Variants in TMEM223 observed in about 807,000 individuals in gnomAD.
TMEM223 encodes the protein transmembrane protein 223.
In TMEM223, 14 loss-of-function variants were observed where a neutral mutation model predicts 14.1. The ratio of observed to expected loss-of-function variants is 0.99; its 90% CI spans 0.66 to 1.55. The LOEUF (loss-of-function observed/expected upper bound fraction) is 1.55, where lower values mean the gene tolerates loss of function less well. Among genes scored for constraint, TMEM223 ranks in the 40% most tolerant of loss-of-function variants. The probability of loss-of-function intolerance (pLI) is 0.00; values close to 1 mark genes in which losing one functional copy is unlikely to be tolerated. For missense variants in TMEM223, 346 were observed against 269.9 expected (o/e 1.28, Z -1.97); for synonymous variants, 145 against 120.5 (o/e 1.20, Z -1.33).
downstream of TMEM223, chr11:62,786,363 G>A: frequency 6.2e-7 from 1 of 1,614,154 alleles, no homozygotes; most frequent in East Asian, 2.2e-5. Context: ...AAAGCAGATG[G>A]ACACAAAGTC....
intron 2 of TMEM223, among the ~76,000 whole-genome samples, chr11:62,773,258 C>T (rs1215285344): frequency 6.6e-6 from 1 of 151,982 alleles, no homozygotes; most frequent in Non-Finnish European, 1.5e-5. Flanking sequence ...AGCAATTCTC[C>T]TGCCTCAGCC....
At chr11:62,791,584 T>C in intron 1 of TMEM223, 95 bp downstream of exon 1, 9 of 1,376,882 alleles carry the variant, frequency 6.5e-6, no homozygotes, top group Non-Finnish European at 8.6e-6. Flanking sequence ...CCCGCCACTC[T>C]CGGATAGGGA....
downstream of TMEM223, among the ~76,000 whole-genome samples, chr11:62,785,376 A>G (rs1281345922): frequency 6.7e-6 from 1 of 149,496 alleles, no homozygotes; most frequent in Non-Finnish European, 1.5e-5. Flanking sequence ...TATTTTTAGT[A>G]GAGACGGGGT....
At chr11:62,781,097 G>A (rs1194569568) in intron 1 of TMEM223, among the ~76,000 whole-genome samples, 9 of 151,300 alleles carry the variant, frequency 5.9e-5, no homozygotes, top group Non-Finnish European at 1.2e-4. Flanking sequence ...TTAGCTGGGC[G>A]TGGTGGTGGG....
At chr11:62,775,347 A>T (rs1231009255) in intron 1 of TMEM223, among the ~76,000 whole-genome samples, 3 of 152,108 alleles carry the variant, frequency 2.0e-5, no homozygotes. Flanking sequence ...ACACGTGGGG[A>T]TTATTAAAAT....
At chr11:62,776,283 C>T in intron 1 of TMEM223, 1 of 1,197,170 alleles carries the variant, frequency 8.4e-7, no homozygotes, top group Admixed American at 1.8e-5. Flanking sequence ...TAAGCGTGGT[C>T]TCCTGTTTGC....
intron 1 of TMEM223, 136 bp downstream of exon 1, chr11:62,791,543 A>G (rs1456332370): frequency 8.7e-7 from 1 of 1,146,918 alleles, no homozygotes; most frequent in South Asian, 1.7e-5. Context: ...GCGCCCGGCC[A>G]GTGTTTCACA....
rs1207631302 is a variant in TMEM223, at chr11:62,791,834, C to T, written c.161G>A (p.Gly54Asp). The T allele has an allele frequency of 1.3e-5, 21 of 1,589,458 alleles. No homozygotes were observed. The South Asian group carries it at 1.8e-4, about 14-fold the overall frequency. ...CATGGAAGCCCAGAAGACGCCCTGG[C>T]CCGCGCAGAACAGCCCGAGGATGGT... The part of the protein sequence containing the change: ...FFTILGLFCA[G>D]QGVFWASMAV... Residue 54 changes from glycine (G) to aspartate (D), a missense_variant, in exon 1 of 2, where the codon GGC becomes GAC. Coordinates refer to ENST00000307366, the MANE Select transcript of TMEM223 (RefSeq NM_001080501.3).
At chr11:62,781,445 G>C (rs2084228822) in intron 1 of TMEM223, among the ~76,000 whole-genome samples, 1 of 151,970 alleles carries the variant, frequency 6.6e-6, no homozygotes, top group South Asian at 2.1e-4. Context: ...AGGCTGAGGT[G>C]GGCAGATCAC....
At chr11:62,775,956 C>T (rs781439035) in intron 1 of TMEM223, 1 of 1,576,380 alleles carries the variant, frequency 6.3e-7, no homozygotes, top group African/African-American at 1.4e-5. Context: ...CCCCTGATAC[C>T]TCCAACTTTC....
downstream of TMEM223, chr11:62,787,028 C>T (rs2134731276): frequency 6.6e-7 from 1 of 1,504,534 alleles, no homozygotes; most frequent in Non-Finnish European, 8.8e-7. Context: ...CGCGGGGCAC[C>T]CCGGCAGCAG....
intron 1 of TMEM223, among the ~76,000 whole-genome samples, chr11:62,781,245 A>AAAAAAAAG (rs1565188719): frequency 1.3e-5 from 2 of 151,074 alleles, no homozygotes; most frequent in African/African-American, 2.5e-5. Context: ...CAAAGAAAAA[A>AAAAAAAAG]AAAAAAGAAA....
downstream of TMEM223, chr11:62,788,004 A>G (rs918407472): frequency 1.5e-5 from 7 of 461,506 alleles, no homozygotes; most frequent in East Asian, 6.8e-5. Flanking sequence ...GTAGAAGCCA[A>G]TAATTTACAT....
chr11:62,787,317 T>C (rs369018383), downstream of TMEM223: 124 of 1,526,642 alleles, frequency 8.1e-5, no homozygotes, highest in African/African-American at 1.4e-3. Context: ...CCTTCGTTCC[T>C]TGTAAATAAA....
At chr11:62,787,269 G>A (rs146877070), downstream of TMEM223, 2 of 1,561,458 alleles carry the variant, frequency 1.3e-6, no homozygotes, top group Non-Finnish European at 1.7e-6. Flanking sequence ...GGGCGCTCTC[G>A]GACTACTCGC....
chr11:62,788,177 C>A (rs936417812), downstream of TMEM223, among the ~76,000 whole-genome samples: 1 of 152,020 alleles, frequency 6.6e-6, no homozygotes, highest in Non-Finnish European at 1.5e-5. Context: ...CTGAGGCAGG[C>A]GGATCACTTG....
In TMEM223 at chr11:62,790,745, C is replaced by A. The variant is rs771511660; in HGVS notation, c.487G>T (p.Val163Phe). ...ACTTTCAGAGGTAGCATGGCAGGGA[C>A]TTCACCCCGGTGGGCCATGCAAGAT... is the stretch of plus-strand genomic sequence containing the variant. ...QVSCMAHRGE[V>F]PAMLPLKVKG... The change falls in exon 2 of 2, where the codon GTC (valine) becomes TTC (phenylalanine). Residue 163 changes from valine (V) to phenylalanine (F), a missense_variant. Transcript: ENST00000307366. 1.2e-6 allele frequency: 2 copies of A among 1,610,872 alleles called. No individual in the cohort carries two copies. The highest frequency in any genetic ancestry group is 2.2e-5 in the South Asian group (2 of 90,450).
In TMEM223 at chr11:62,790,024, G is replaced by C. The variant is rs1361996511; in HGVS notation, c.*599C>G. 1 of 1,613,014 alleles carries C rather than the reference G, an allele frequency of 6.2e-7. No individual in the cohort carries two copies. The highest frequency in any genetic ancestry group is 8.5e-7 in the Non-Finnish European group (1 of 1,179,508). On this transcript the variant is annotated 3_prime_UTR_variant, in exon 2 of 2. Coordinates refer to ENST00000307366, the MANE Select transcript of TMEM223 (RefSeq NM_001080501.3). ...GAGCTCTGAGACAGATGCTCTCGTT[G>C]GGTCACGCCTTTCCCATTCCTGAAG...
At chr11:62,786,992 G>C, downstream of TMEM223, 2 of 1,477,252 alleles carry the variant, frequency 1.4e-6, no homozygotes, top group Non-Finnish European at 1.8e-6. Context: ...TCTGAGAGCA[G>C]GCCCTTGCCG....
Sources: gnomAD v4.1 joint callset for allele counts (sites outside exome capture counted in the v4.1 genomes callset) on GRCh38, gnomAD v4.1.1 for gene constraint, MANE v1.5 for transcripts, NCBI Gene and HGNC (gene_info 2026-07-23, HGNC 2026-07-21) for gene names.